UBAP1L: variants seen among roughly 807,000 people sequenced by gnomAD.
The protein encoded by UBAP1L is ubiquitin-associated protein 1-like.
Under a neutral mutation model 32.1 loss-of-function variants are expected in UBAP1L, and 32 were observed. That is an observed-to-expected ratio of 1.00 (90% CI 0.75 to 1.34). The LOEUF is 1.34. UBAP1L is among the 40% of genes most tolerant of loss of function. The pLI is 0.00. For synonymous variants in UBAP1L, 243 were observed against 250.2 expected (o/e 0.97, Z 0.27); for missense variants, 516 against 540.5 (o/e 0.95, Z 0.45).
chr15:65,102,168 G>A lies in UBAP1L; in HGVS notation c.637C>T (p.Pro213Ser). 2 of 1,199,478 alleles carry A rather than the reference G, an allele frequency of 1.7e-6. No individual in the cohort carries two copies. The highest frequency in any genetic ancestry group is 2.1e-6 in the Non-Finnish European group (2 of 965,686). The allele number at this position is 1,199,478 out of a possible 1,614,324, so 74.3% of individuals were successfully genotyped here. The part of the protein sequence containing the change: ...APQHPAAPAS[P>S]PRPSTAGAIP... The stretch of plus-strand genomic sequence containing the variant: ...GCGCCTGCCGTGGAGGGCCGCGGGG[G>A]CGACGCGGGGGCGGCGGGGTGCTGG... The change falls in exon 3 of 6, where the codon CCC becomes TCC. Residue 213 changes from proline to serine, a missense_variant. Physicochemically the swap from Pro to Ser is moderately conservative, Grantham distance 74. Transcript: ENST00000559089. The surrounding 1 kb of genome is among the most constrained non-coding windows in gnomAD (Gnocchi z 5.0).
chr15:65,108,417 G>A (rs978458581), intron 1 of UBAP1L, among the ~76,000 whole-genome samples: 1 of 152,102 alleles, frequency 6.6e-6, no homozygotes, highest in African/African-American at 2.4e-5. Flanking sequence ...TATATTCATG[G>A]CCTTGTAATA....
At chr15:65,103,729 A>G (rs985881452) in intron 2 of UBAP1L, among the ~76,000 whole-genome samples, 19 of 152,190 alleles carry the variant, frequency 1.2e-4, no homozygotes, top group African/African-American at 3.9e-4. Context: ...CCCAGAGTGG[A>G]CATTTGTAAG....
chr15:65,106,621 T>G (rs1475053813), intron 1 of UBAP1L, among the ~76,000 whole-genome samples: 1 of 150,664 alleles, frequency 6.6e-6, no homozygotes, highest in Admixed American at 6.8e-5. Flanking sequence ...CTAACTCATT[T>G]TGATTTTAGC....
chr15:65,103,968 A>G (rs2087273859), intron 2 of UBAP1L, among the ~76,000 whole-genome samples: 1 of 152,242 alleles, frequency 6.6e-6, no homozygotes, highest in South Asian at 2.1e-4. Flanking sequence ...ATAAAAACAA[A>G]TAAGGGCTGG....
intron 1 of UBAP1L, among the ~76,000 whole-genome samples, chr15:65,111,298 T>G (rs1359070684): frequency 6.6e-6 from 1 of 152,188 alleles, no homozygotes; most frequent in East Asian, 1.9e-4. Context: ...ATTCACATTT[T>G]CAGGTATCAT....
chr15:65,106,150 G>A lies in UBAP1L; in HGVS notation c.66C>T (p.Leu22=). Residue 22 remains leucine, a synonymous_variant, in exon 2 of 6, where the codon CTC becomes CTT. Coordinates refer to ENST00000559089, the MANE Select transcript of UBAP1L (RefSeq NM_001163692.2). ...CCGGGACGCTGAGTTCTGGCCCAGG[G>A]AGAGGCTCTGTGCCTATCACAAAGC... ...PKGFVIGTEP[L]PGPELSVPAC... is the part of the protein sequence containing the mutation. The A allele has an allele frequency of 1.3e-6, 2 of 1,551,004 alleles. No homozygotes were observed. Among genetic ancestry groups the A allele is most frequent in the East Asian group, 2.4e-5 (1 of 40,898 alleles).
chr15:65,113,688 C>A (rs2140573589), intron 1 of UBAP1L, among the ~76,000 whole-genome samples: 1 of 152,152 alleles, frequency 6.6e-6, no homozygotes, highest in Non-Finnish European at 1.5e-5. Flanking sequence ...GCGAAGGTTG[C>A]AGTGAACCAA....
rs965536840 is a variant in UBAP1L at position 65,093,180 on chromosome 15, G to C, written c.1063C>G (p.Gln355Glu). ...WEQFSDMGFQ[Q>E]DRIKEVLLVH... is the part of the protein sequence containing the mutation. ...AGCAGCACCTCCTTGATCCGGTCCT[G>C]CTGGAAGCCCATGTCACTGAACTGC... Residue 355 changes from glutamine to glutamate, a missense_variant, in exon 6 of 6, where the codon CAG (glutamine) becomes GAG (glutamate). Gln to Glu is a conservative substitution (Grantham distance 29). Coordinates refer to ENST00000559089, the MANE Select transcript of UBAP1L (RefSeq NM_001163692.2). 4 of 1,550,080 alleles carry C rather than the reference G, an allele frequency of 2.6e-6. No homozygotes were observed. In the Middle Eastern group the frequency reaches 5.2e-4, roughly 202 times the overall value.
intron 3 of UBAP1L, chr15:65,100,612 T>C (rs1013981059): frequency 1.3e-5 from 2 of 152,242 alleles, no homozygotes; most frequent in African/African-American, 2.4e-5. Context: ...CCTTCTCCCA[T>C]GAGGAAGTAC....
rs2087260758 is a variant in UBAP1L, at chr15:65,102,822, C to CA, written c.121-139dup. The stretch of plus-strand genomic sequence containing the variant: ...CGTCAGATTCTGAGCCCCGGGCTTC[C>CA]ATCACAGCCCACTCTACCCTGGGTT... On this transcript the variant is annotated intron_variant, in intron 2 of 5. Transcript: ENST00000559089. The surrounding 1 kb of genome is among the most constrained non-coding windows in gnomAD (Gnocchi z 5.0). 2.1e-5 allele frequency: 16 copies of CA among 747,844 alleles called. No homozygotes were observed. The South Asian group carries it at 3.1e-4, about 15-fold the overall frequency. 46.3% of individuals were successfully genotyped at this position (747,844 alleles called of 1,614,324 possible).
Position 65,094,918 on chromosome 15 carries a change from T to A in UBAP1L, c.910-342A>T. ...CATCCCACCTACCACCCAACGCAAT[T>A]CAACATTCATGCACCACCCACCCCT... On this transcript the variant is annotated intron_variant, in intron 4 of 5. Transcript: ENST00000559089. The surrounding 1 kb of genome is among the most constrained non-coding windows in gnomAD (Gnocchi z 4.2). 1 of 349,116 alleles carries A rather than the reference T, an allele frequency of 2.9e-6. No homozygotes were observed. Among genetic ancestry groups the A allele is most frequent in the Non-Finnish European group, 5.5e-6 (1 of 182,044 alleles). The allele number at this position is 349,116 out of a possible 1,614,324, so 21.6% of individuals were successfully genotyped here. A position where few individuals can be genotyped will look rare whatever the true frequency, so the allele number is the denominator to read the frequency against.
At chr15:65,099,276 C>A in intron 4 of UBAP1L, 2 of 545,282 alleles carry the variant, frequency 3.7e-6, no homozygotes, top group East Asian at 6.2e-5. Flanking sequence ...GATCCACTTA[C>A]CTCAGGTCAC....
At chr15:65,111,252 GA>G (rs1413561911) in intron 1 of UBAP1L, among the ~76,000 whole-genome samples, 2 of 152,200 alleles carry the variant, frequency 1.3e-5, no homozygotes, top group African/African-American at 4.8e-5. Context: ...GGAGACACAG[GA>G]AAGTTCAGCA....
At chr15:65,112,496 C>G (rs1339843392) in intron 1 of UBAP1L, among the ~76,000 whole-genome samples, 3 of 152,046 alleles carry the variant, frequency 2.0e-5, no homozygotes, top group African/African-American at 7.3e-5. Context: ...TGCCCATGTG[C>G]TTGGATCTGG....
chr15:65,096,647 A>G (rs2087177334), intron 4 of UBAP1L: 1 of 152,192 alleles, frequency 6.6e-6, no homozygotes, highest in South Asian at 2.1e-4. Flanking sequence ...GGGCCCCCGG[A>G]AGTCACTGGT....
At chr15:65,110,449 G>T (rs2087361310) in intron 1 of UBAP1L, among the ~76,000 whole-genome samples, 1 of 151,580 alleles carries the variant, frequency 6.6e-6, no homozygotes. Context: ...AGGCCGAGGT[G>T]GGTGGATCAC....
chr15:65,106,804 C>T (rs576213779), intron 1 of UBAP1L, among the ~76,000 whole-genome samples: 7 of 152,198 alleles, frequency 4.6e-5, no homozygotes, highest in Non-Finnish European at 1.0e-4. Flanking sequence ...CCACACCCAG[C>T]TAATTTTTGT....
intron 4 of UBAP1L, chr15:65,096,158 A>G (rs1016449335): frequency 6.6e-6 from 1 of 152,300 alleles, no homozygotes; most frequent in African/African-American, 2.4e-5. Flanking sequence ...GAGGGCGGGC[A>G]AGGATGGATG....
Position 65,102,256 on chromosome 15 carries a change from C to A in UBAP1L, c.549G>T (p.Ala183=). The A allele has an allele frequency of 7.7e-7, 1 of 1,306,600 alleles. No individual in the cohort carries two copies. Among genetic ancestry groups the A allele is most frequent in the South Asian group, 1.9e-5 (1 of 51,754 alleles). The allele number at this position is 1,306,600 out of a possible 1,614,324, so 80.9% of individuals were successfully genotyped here. A position where few individuals can be genotyped will look rare whatever the true frequency, so the allele number is the denominator to read the frequency against. The change falls in exon 3 of 6, where the codon GCG becomes GCT. Residue 183 remains alanine (A), a synonymous_variant. Coordinates refer to ENST00000559089, the MANE Select transcript of UBAP1L (RefSeq NM_001163692.2). This position sits in a 1 kb window ranked among gnomAD's most constrained non-coding sequence, Gnocchi z 5.0. ...ALLHGLRGHR[A]LSLCPSPAQS... ...GCGCAGGGCTCGGGCACAGGCTCAG[C>A]GCGCGGTGGCCGCGGAGGCCATGCA...
Sources: allele counts gnomAD v4.1 joint callset (sites outside exome capture counted in the v4.1 genomes callset), GRCh38; gene constraint gnomAD v4.1.1; non-coding constraint Gnocchi (gnomAD v3.1); transcripts MANE v1.5; gene names NCBI Gene and HGNC (gene_info 2026-07-23, HGNC 2026-07-21).